TAB1: variants seen among roughly 807,000 people sequenced by gnomAD.
TAB1 encodes TGF-beta activated kinase 1 (MAP3K7) binding protein 1.
In TAB1, 30 loss-of-function variants were observed where a neutral mutation model predicts 54.5. The ratio of observed to expected loss-of-function variants is 0.55; its 90% CI spans 0.41 to 0.75. The LOEUF (loss-of-function observed/expected upper bound fraction) is 0.75, where lower values mean the gene tolerates loss of function less well. Among genes scored for constraint, TAB1 ranks in the 30% least tolerant of loss-of-function variants. TAB1 has a pLI of 0.00. For missense variants in TAB1, 609 were observed against 683.2 expected, an observed-to-expected ratio of 0.89 and a Z score of 1.21; for synonymous variants, 289 against 286.9, an observed-to-expected ratio of 1.01 and a Z score of -0.07.
chr22:39,434,574 G>A (rs1045623183), downstream of TAB1, among the ~76,000 whole-genome samples: 3 of 152,260 alleles, frequency 2.0e-5, no homozygotes, highest in African/African-American at 4.8e-5. Context: ...TGTCAGCCCC[G>A]AGCAGAGACA....
At chr22:39,418,671 C>A in intron 5 of TAB1, 61 bp from the exon 6 acceptor site, 1 of 1,280,086 alleles carries the variant, frequency 7.8e-7, no homozygotes, top group Non-Finnish European at 1.1e-6. Context: ...CTCTGCCTTC[C>A]CGGTATGCCC....
intron 1 of TAB1, among the ~76,000 whole-genome samples, chr22:39,403,205 CAGTG>C (rs376879658): frequency 0.01 from 1,547 of 152,374 alleles, 11 homozygotes; most frequent in Non-Finnish European, 0.015. Flanking sequence ...AGGGGACAGA[CAGTG>C]AGCACCGAAC....
chr22:39,427,385 C>T (rs1050507462), intron 9 of TAB1, among the ~76,000 whole-genome samples: 4 of 152,224 alleles, frequency 2.6e-5, no homozygotes. Flanking sequence ...GGTCAGGCCC[C>T]AAGGCCTGTC....
At chr22:39,408,492 T>TTTTTTG (rs778980671) in intron 1 of TAB1, among the ~76,000 whole-genome samples, 28 of 152,200 alleles carry the variant, frequency 1.8e-4, no homozygotes, top group African/African-American at 6.5e-4. Flanking sequence ...TTCACTGGCG[T>TTTTTTG]TTTTTGTTTT....
In TAB1 at chr22:39,421,898, G is replaced by C. The variant is rs1424537144; in HGVS notation, c.848G>C (p.Gly283Ala). 1.2e-6 allele frequency: 2 copies of C among 1,613,442 alleles called. No homozygotes were observed. The highest frequency in any genetic ancestry group is 2.7e-5 in the African/African-American group (2 of 74,980). The change falls in exon 8 of 11, where the codon GGC becomes GCC. Residue 283 changes from glycine to alanine, a missense_variant. Gly to Ala is a moderately conservative substitution (Grantham distance 60, BLOSUM62 0). Coordinates refer to ENST00000216160, the MANE Select transcript of TAB1 (RefSeq NM_006116.3). ...HGAQPLDGVT[G>A]FLVLMSEGLY... ...GCACAGCCGCTGGATGGGGTGACGGGCTTCTTGGTGCTGATGTCGGAGGGG... is the reference window on the plus strand; with the variant it reads ...GCACAGCCGCTGGATGGGGTGACGGCCTTCTTGGTGCTGATGTCGGAGGGG...
intron 8 of TAB1, among the ~76,000 whole-genome samples, chr22:39,425,110 C>T (rs1196804123): frequency 5.3e-5 from 8 of 152,014 alleles, no homozygotes; most frequent in Non-Finnish European, 1.2e-4. Flanking sequence ...TGGTGGCTCA[C>T]GCCTGTAATC....
intron 1 of TAB1, chr22:39,414,630 T>G: frequency 4.7e-6 from 1 of 214,898 alleles, no homozygotes; most frequent in Non-Finnish European, 9.5e-6. Context: ...CTCAAGGGAT[T>G]TCTTTGTAGT....
chr22:39,425,642 C>T lies in TAB1; in HGVS notation c.922-1061C>T, dbSNP rs190885615. On this transcript the variant is annotated intron_variant, in intron 8 of 10. Transcript: ENST00000216160. ...CGATCTGGGCTTACTGATCACCTCC[C>T]GGGTTCACGCCATTCTGCCTCAGCC... Among the ~76,000 whole-genome samples the T allele has an allele frequency of 4.6e-4, 70 of 151,720 alleles. 1 individual carries two copies. Among genetic ancestry groups the T allele is most frequent in the African/African-American group, 1.6e-3 (65 of 41,372 alleles).
chr22:39,429,840 T>C (rs1927508353), intron 10 of TAB1, 175 bp from the exon 11 acceptor site: 1 of 985,334 alleles, frequency 1.0e-6, no homozygotes, highest in Non-Finnish European at 1.2e-6. Flanking sequence ...CTTTAAAATT[T>C]GACTTTTTAT....
intron 1 of TAB1, among the ~76,000 whole-genome samples, chr22:39,403,257 A>G (rs1926222994): frequency 6.6e-6 from 1 of 152,246 alleles, no homozygotes; most frequent in Non-Finnish European, 1.5e-5. Context: ...TATCCAAACT[A>G]CAGCATCAGG....
chr22:39,415,134 C>T lies in TAB1; in HGVS notation c.162C>T (p.Leu54=). Residue 54 remains leucine, a synonymous_variant, in exon 2 of 11, where the codon CTC becomes CTT. Transcript: ENST00000216160. This position sits in a 1 kb window ranked among gnomAD's most constrained non-coding sequence, Gnocchi z 4.9. ...GCCACCCGCCAGAGGACAGCTGGCTCAAGTTCAGGTGTGTGTGCCAGCATT... is the reference window on the plus strand; with the variant it reads ...GCCACCCGCCAGAGGACAGCTGGCTTAAGTTCAGGTGTGTGTGCCAGCATT... ...TESHPPEDSW[L]KFRSENNCFL... 1 of 1,589,108 alleles carries T rather than the reference C, an allele frequency of 6.3e-7. No homozygotes were observed. Among genetic ancestry groups the T allele is most frequent in the Admixed American group, 1.7e-5 (1 of 57,370 alleles).
downstream of TAB1, chr22:39,436,612 A>G (rs1370954042): frequency 6.6e-7 from 1 of 1,505,330 alleles, no homozygotes; most frequent in Admixed American, 1.7e-5. Context: ...GGGAGCTGAG[A>G]TCATCCTGGG....
chr22:39,409,850 G>A (rs1214307785), intron 1 of TAB1, among the ~76,000 whole-genome samples: 1 of 152,098 alleles, frequency 6.6e-6, no homozygotes, highest in Non-Finnish European at 1.5e-5. Context: ...TCCCTAGAAG[G>A]GAGGCTTCAA....
chr22:39,436,637 T>G (rs1927797197), downstream of TAB1: 1 of 1,314,284 alleles, frequency 7.6e-7, no homozygotes, highest in Admixed American at 1.7e-5. Flanking sequence ...TGTCGCCTGG[T>G]CTGACTTGTG....
Position 39,419,585 on chromosome 22 carries a change from G to C in TAB1, c.731G>C (p.Gly244Ala), listed in dbSNP as rs768452953. ...GGGCAGGAGAGCACCCGGCGGATCGGGGATTACAAGGTTAAATATGGCTAC... is the reference window on the plus strand; with the variant it reads ...GGGCAGGAGAGCACCCGGCGGATCGCGGATTACAAGGTTAAATATGGCTAC... Reference protein sequence around the residue: ...ICGQESTRRIGDYKVKYGYTD... With the variant: ...ICGQESTRRIADYKVKYGYTD... The change falls in exon 7 of 11, where the codon GGG becomes GCG. Residue 244 changes from glycine (G) to alanine (A), a missense_variant. By Grantham distance (60) the Gly-to-Ala change is moderately conservative. Coordinates refer to ENST00000216160, the MANE Select transcript of TAB1 (RefSeq NM_006116.3). The C allele has an allele frequency of 7.4e-6, 12 of 1,612,990 alleles. No individual in the cohort carries two copies. Among genetic ancestry groups the C allele is most frequent in the Non-Finnish European group, 1.0e-5 (12 of 1,179,464 alleles).
At chr22:39,418,348 A>G (rs1466308266) in intron 5 of TAB1, among the ~76,000 whole-genome samples, 1 of 152,148 alleles carries the variant, frequency 6.6e-6, no homozygotes, top group African/African-American at 2.4e-5. Flanking sequence ...AGAGTGACTG[A>G]TATTTAATGA....
At chr22:39,420,768 G>A (rs991506457) in intron 7 of TAB1, among the ~76,000 whole-genome samples, 7 of 127,178 alleles carry the variant, frequency 5.5e-5, no homozygotes, top group Non-Finnish European at 1.1e-4. Context: ...ATACACACAC[G>A]GTGTCTCTGT....
At chr22:39,406,102 G>T (rs1305484962) in intron 1 of TAB1, among the ~76,000 whole-genome samples, 1 of 152,140 alleles carries the variant, frequency 6.6e-6, no homozygotes, top group Non-Finnish European at 1.5e-5. Flanking sequence ...AGTGAAATAA[G>T]GTAATCTAAT....
chr22:39,418,645 T>G lies in TAB1; in HGVS notation c.551-87T>G, dbSNP rs531989442. 3 of 1,002,018 alleles carry G rather than the reference T, an allele frequency of 3.0e-6. No homozygotes were observed. The South Asian group carries it at 4.0e-5, about 13-fold the overall frequency. The allele number at this position is 1,002,018 out of a possible 1,614,324, so 62.1% of individuals were successfully genotyped here. ...ATTTCAGGTATTTCCATGTGTGAAA[T>G]GCCTGCCTTTTCCCTCTCTGCCTTC... On this transcript the variant is annotated intron_variant, in intron 5 of 10. Transcript: ENST00000216160.
Sources: gnomAD v4.1 joint callset for allele counts (sites outside exome capture counted in the v4.1 genomes callset) on GRCh38, gnomAD v4.1.1 for gene constraint, Gnocchi (gnomAD v3.1) non-coding constraint, MANE v1.5 for transcripts, NCBI Gene and HGNC (gene_info 2026-07-23, HGNC 2026-07-21) for gene names.